STOX2: variants seen among roughly 807,000 people sequenced by gnomAD.
STOX2 encodes the protein storkhead box 2.
A neutral mutation model predicts 60.9 loss-of-function variants in STOX2; 28 were observed. The ratio of observed to expected loss-of-function variants is 0.46; its 90% CI spans 0.34 to 0.63. The LOEUF is 0.63. STOX2 is among the 30% of genes least tolerant of loss of function. The pLI is 0.01. For synonymous variants in STOX2, 472 were observed against 463.9 expected (o/e 1.02, Z -0.22); for missense variants, 1,024 against 1,187.7 (o/e 0.86, Z 2.03).
chr4:183,804,315 C>G (rs1041099914), intron 1 of STOX2, among the ~76,000 whole-genome samples: 2 of 152,206 alleles, frequency 1.3e-5, no homozygotes, highest in Non-Finnish European at 2.9e-5. Context: ...GACTACTCGA[C>G]AGTACCTCAT....
chr4:183,807,047 A>G (rs1347228629), intron 1 of STOX2, among the ~76,000 whole-genome samples: 3 of 151,674 alleles, frequency 2.0e-5, no homozygotes, highest in Non-Finnish European at 2.9e-5. Flanking sequence ...ATCTCGGCTC[A>G]CTGCAAGCTC....
chr4:183,887,993 A>T (rs2111179349), intron 1 of STOX2, among the ~76,000 whole-genome samples: 1 of 152,248 alleles, frequency 6.6e-6, no homozygotes, highest in Middle Eastern at 3.4e-3. Context: ...GCTTCAAGTG[A>T]TCCTCCTGCC....
chr4:183,958,628 G>A (rs1743325718), intron 1 of STOX2, among the ~76,000 whole-genome samples: 1 of 152,062 alleles, frequency 6.6e-6, no homozygotes, highest in African/African-American at 2.4e-5. Flanking sequence ...GGGAGACACT[G>A]TTTGCAGTCT....
At chr4:183,809,064 G>A (rs1399635538) in intron 1 of STOX2, among the ~76,000 whole-genome samples, 2 of 152,132 alleles carry the variant, frequency 1.3e-5, no homozygotes, top group South Asian at 2.1e-4. Flanking sequence ...ATTTGGATAC[G>A]AATTAGAGCT....
intron 1 of STOX2, among the ~76,000 whole-genome samples, chr4:183,819,981 G>A (rs1416226318): frequency 6.6e-6 from 1 of 152,216 alleles, no homozygotes; most frequent in Non-Finnish European, 1.5e-5. Context: ...TATGGTATAA[G>A]TATCAGAGTT....
intron 1 of STOX2, among the ~76,000 whole-genome samples, chr4:183,839,430 A>T (rs1282265718): frequency 6.6e-6 from 1 of 152,212 alleles, no homozygotes; most frequent in African/African-American, 2.4e-5. Context: ...GAATTAAAAC[A>T]CACACACAAC....
At chr4:183,837,901 ATGC>A (rs1739754765) in intron 1 of STOX2, among the ~76,000 whole-genome samples, 1 of 152,112 alleles carries the variant, frequency 6.6e-6, no homozygotes, top group Admixed American at 6.5e-5. Context: ...TTTGGCTATG[ATGC>A]TGCTGTGGAC....
At position 183,837,358 on chromosome 4, in the gene STOX2, T is replaced by C. The variant is rs1011446597; in HGVS notation, c.364+39303T>C. Among the ~76,000 whole-genome samples the C allele has an allele frequency of 2.6e-5, 4 of 152,190 alleles. No homozygotes were observed. The East Asian group carries it at 5.8e-4, about 22-fold the overall frequency. ...ACCCTTTATTCTACTTGCTGCCTTATGGAGTTTCCTATTCTAGGTACTTCC... is the reference window on the plus strand; with the variant it reads ...ACCCTTTATTCTACTTGCTGCCTTACGGAGTTTCCTATTCTAGGTACTTCC... On this transcript the variant is annotated intron_variant, in intron 1 of 2. Coordinates refer to the STOX2 transcript ENST00000513034.
Position 183,971,639 on chromosome 4 carries a change from G to T in STOX2, c.167-29686G>T, listed in dbSNP as rs533463080. ...TCACAGAGGTGGGAAAAGGCTAAGT[G>T]TCTGGTATGTGGTAAGTGGATGAAG... On this transcript the variant is annotated intron_variant, in intron 1 of 3. Transcript: ENST00000308497. 3.9e-4 allele frequency among the ~76,000 whole-genome samples: 59 copies of T among 152,346 alleles called. 1 individual carries two copies. Among genetic ancestry groups the T allele is most frequent in the African/African-American group, 1.4e-3 (57 of 41,590 alleles).
rs751077333 is a variant in STOX2, at chr4:184,009,612, T to C, written c.774T>C (p.Asp258=). The C allele has an allele frequency of 6.2e-7, 1 of 1,613,886 alleles. No homozygotes were observed. The highest frequency in any genetic ancestry group is 8.5e-7 in the Non-Finnish European group (1 of 1,179,866). Residue 258 remains aspartate, a synonymous_variant, in exon 3 of 4, where the codon GAT becomes GAC. Transcript: ENST00000308497. This position sits in a 1 kb window ranked among gnomAD's most constrained non-coding sequence, Gnocchi z 4.0. ...CAGAAACTCTCTCAAAACCTAAAGA[T>C]AGTGAAAAGCAGTCAAAAAAATTCG... The part of the protein sequence containing the change: ...YKTETLSKPK[D]SEKQSKKFGL...
At chr4:183,994,550 A>G (rs532242647) in intron 1 of STOX2, among the ~76,000 whole-genome samples, 1 of 152,368 alleles carries the variant, frequency 6.6e-6, no homozygotes, top group East Asian at 1.9e-4. Context: ...CACCCGTGCC[A>G]TATGATGCTT....
chr4:183,851,725 G>C (rs1332744912), intron 1 of STOX2, among the ~76,000 whole-genome samples: 13 of 50,548 alleles, frequency 2.6e-4, no homozygotes, highest in South Asian at 7.8e-4. Flanking sequence ...ATGAGAGAAA[G>C]GATGAGGGAA....
At chr4:183,948,594 C>T (rs1386521001) in intron 1 of STOX2, among the ~76,000 whole-genome samples, 4 of 116,604 alleles carry the variant, frequency 3.4e-5, no homozygotes, top group Non-Finnish European at 6.5e-5. Context: ...TGCAGTGGCG[C>T]GATCTTGGCT....
intron 1 of STOX2, among the ~76,000 whole-genome samples, chr4:183,946,150 G>A (rs1402052571): frequency 6.6e-6 from 1 of 152,190 alleles, no homozygotes; most frequent in Non-Finnish European, 1.5e-5. Context: ...TTTTAATTCA[G>A]ATGACCTCTC....
intron 1 of STOX2, among the ~76,000 whole-genome samples, chr4:183,955,759 G>T (rs1205255048): frequency 1.3e-5 from 2 of 148,632 alleles, no homozygotes; most frequent in Non-Finnish European, 3.0e-5. Context: ...CTTCTTTAAA[G>T]TTTTTTTTTT....
At chr4:183,954,579 C>T (rs372663254) in intron 1 of STOX2, among the ~76,000 whole-genome samples, 8 of 152,194 alleles carry the variant, frequency 5.3e-5, no homozygotes, top group African/African-American at 9.6e-5. Context: ...TGAGCCACCA[C>T]GCCAAGCCCG....
chr4:183,992,281 G>T (rs1343220822), intron 1 of STOX2, among the ~76,000 whole-genome samples: 1 of 152,170 alleles, frequency 6.6e-6, no homozygotes, highest in Non-Finnish European at 1.5e-5. Context: ...GTATTTTACA[G>T]AAATCAGTCC....
At chr4:183,976,615 C>T (rs1320650073) in intron 1 of STOX2, among the ~76,000 whole-genome samples, 1 of 152,154 alleles carries the variant, frequency 6.6e-6, no homozygotes, top group African/African-American at 2.4e-5. Flanking sequence ...ACTATGCTCA[C>T]TACCTGGATG....
At chr4:183,942,291 CT>C (rs1196725433) in intron 1 of STOX2, among the ~76,000 whole-genome samples, 1 of 146,038 alleles carries the variant, frequency 6.8e-6, no homozygotes, top group Non-Finnish European at 1.5e-5. Flanking sequence ...TGTAAATTAT[CT>C]TACACATTTG....
Sources: gnomAD v4.1 joint callset for allele counts (sites outside exome capture counted in the v4.1 genomes callset) on GRCh38, gnomAD v4.1.1 for gene constraint, Gnocchi (gnomAD v3.1) non-coding constraint, MANE v1.5 for transcripts, NCBI Gene and HGNC (gene_info 2026-07-23, HGNC 2026-07-21) for gene names.